The following ASH1L variants were observed in gnomAD, a reference collection of about 807,000 sequenced individuals.
The protein encoded by ASH1L is histone-lysine N-methyltransferase ASH1L.
In ASH1L, 23 loss-of-function variants were observed where a neutral mutation model predicts 269.0. The ratio of observed to expected loss-of-function variants is 0.09; its 90% CI spans 0.06 to 0.12. The LOEUF (loss-of-function observed/expected upper bound fraction) is 0.12, where lower values mean the gene tolerates loss of function less well. ASH1L is among the 10% of genes least tolerant of loss of function. The probability of loss-of-function intolerance (pLI) is 1.00; values close to 1 mark genes in which losing one functional copy is unlikely to be tolerated. For synonymous variants in ASH1L, 1,187 were observed against 1,253.5 expected (o/e 0.95, Z 1.12); for missense variants, 2,912 against 3,567.8 (o/e 0.82, Z 4.68).
At chr1:155,559,581 A>G (rs994241099) in intron 1 of ASH1L, among the ~76,000 whole-genome samples, 17 of 150,882 alleles carry the variant, frequency 1.1e-4, no homozygotes, top group African/African-American at 4.1e-4. Flanking sequence ...ATATTTTTTT[A>G]AAGTACAAAG....
chr1:155,384,481 GTT>G (rs67550672), intron 7 of ASH1L, among the ~76,000 whole-genome samples: 6 of 151,244 alleles, frequency 4.0e-5, no homozygotes, highest in East Asian at 1.9e-4. Flanking sequence ...AATTGGTGTG[GTT>G]TTTTTTTGTT....
In ASH1L at chr1:155,393,974, T is replaced by C. The variant is rs545643921; in HGVS notation, c.6103+1485A>G. Among the ~76,000 whole-genome samples the C allele has an allele frequency of 3.3e-3, 502 of 152,296 alleles. 3 individuals are homozygous for C. Among genetic ancestry groups the C allele is most frequent in the African/African-American group, 0.012 (485 of 41,566 alleles). ...TGTACTGCCGGAGATTATAATCTAA[T>C]GGAGGAGCCAAATAAATATTGTAAT... On this transcript the variant is annotated intron_variant, in intron 7 of 27. Coordinates refer to ENST00000392403, the MANE Select transcript of ASH1L (RefSeq NM_018489.3).
In ASH1L at chr1:155,343,000, T is replaced by G. The variant is rs377512860; in HGVS notation, c.8293+314A>C. The G allele has an allele frequency of 1.1e-3, 240 of 218,262 alleles. 1 individual carries two copies. Among genetic ancestry groups the G allele is most frequent in the African/African-American group, 4.5e-3 (196 of 43,516 alleles). The allele number at this position is 218,262 out of a possible 1,614,324, so 13.5% of individuals were successfully genotyped here. A position where few individuals can be genotyped will look rare whatever the true frequency, so the allele number is the denominator to read the frequency against. The stretch of plus-strand genomic sequence containing the variant: ...TGGGGTGGGCAATGAACAGGAGACA[T>G]GAGGTCATTGAAGTCTTTTTTTTTT... On this transcript the variant is annotated intron_variant, in intron 24 of 27. Coordinates refer to ENST00000392403, the MANE Select transcript of ASH1L (RefSeq NM_018489.3).
At chr1:155,350,215 T>G (rs1653773822) in intron 17 of ASH1L, among the ~76,000 whole-genome samples, 2 of 151,932 alleles carry the variant, frequency 1.3e-5, no homozygotes, top group Admixed American at 6.6e-5. Flanking sequence ...GAGACAGGGT[T>G]TCACCATGTT....
rs1665697499 is a variant in ASH1L, at chr1:155,478,135, A to C, written c.4735T>G (p.Cys1579Gly). 6.2e-7 allele frequency: 1 copy of C among 1,614,036 alleles called. No individual in the cohort carries two copies. Residue 1579 changes from cysteine (C) to glycine (G), a missense_variant, in exon 3 of 28, where the codon TGT (cysteine) becomes GGT (glycine). Physicochemically the swap from Cys to Gly is radical, Grantham distance 159. This residue lies in a region of ASH1L where 789 missense variants were observed against 897.6 expected (regional missense o/e 0.88). Coordinates refer to ENST00000392403, the MANE Select transcript of ASH1L (RefSeq NM_018489.3). This position sits in a 1 kb window ranked among gnomAD's most constrained non-coding sequence, Gnocchi z 4.6. ...GATAAGCTTGGAGAACTTTCTGAACAGTCAATCTGTAAAGGTGTCTGCAAT... is the reference window on the plus strand; with the variant it reads ...GATAAGCTTGGAGAACTTTCTGAACCGTCAATCTGTAAAGGTGTCTGCAAT... ...LGLQTPLQID[C>G]SESSPSLSLG... is the part of the protein sequence containing the mutation.
rs767615285 is a variant in ASH1L at position 155,490,968 on chromosome 1, CAAAAAAAAAAAAAAAAAAAAAA to C, written c.421-8541_421-8520del. 1.6e-3 allele frequency among the ~76,000 whole-genome samples: 100 copies of C among 61,410 alleles called. 2 individuals carry two copies. The highest frequency in any genetic ancestry group is 5.4e-3 in the African/African-American group (77 of 14,272). The allele number at this position is 61,410 out of a possible 152,430, so 40.3% of individuals were successfully genotyped here. On this transcript the variant is annotated intron_variant, in intron 2 of 27. Coordinates refer to ENST00000392403, the MANE Select transcript of ASH1L (RefSeq NM_018489.3). ...GGGAGACAGGGTGAGACCCTGATTC[CAAAAAAAAAAAAAAAAAAAAAA>C]AAAAAAAAAAAAAAAAAAAAAAAAG...
At chr1:155,454,267 G>T (rs1422835114) in intron 4 of ASH1L, among the ~76,000 whole-genome samples, 1 of 152,112 alleles carries the variant, frequency 6.6e-6, no homozygotes, top group African/African-American at 2.4e-5. Context: ...ACTTCCACAA[G>T]GTTACATGAT....
intron 3 of ASH1L, among the ~76,000 whole-genome samples, chr1:155,464,010 C>T: frequency 6.6e-6 from 1 of 152,184 alleles, no homozygotes; most frequent in East Asian, 1.9e-4. Context: ...TTCGCCATAG[C>T]TTTTGCAGAG....
At chr1:155,383,693 T>G (rs1382864273) in intron 7 of ASH1L, among the ~76,000 whole-genome samples, 1 of 152,188 alleles carries the variant, frequency 6.6e-6, no homozygotes, top group Non-Finnish European at 1.5e-5. Flanking sequence ...CTAAGTGAAT[T>G]AAGGCAGATA....
chr1:155,435,114 C>T (rs1383460745), intron 5 of ASH1L, among the ~76,000 whole-genome samples: 5 of 151,866 alleles, frequency 3.3e-5, no homozygotes, highest in Non-Finnish European at 5.9e-5. Context: ...GCCAAGATTG[C>T]GCCACTGCAT....
chr1:155,459,344 C>T (rs1195928005), intron 4 of ASH1L, among the ~76,000 whole-genome samples: 2 of 151,982 alleles, frequency 1.3e-5, no homozygotes, highest in Admixed American at 6.6e-5. Flanking sequence ...TACAGGTGCA[C>T]GCCACCATGC....
At chr1:155,350,650 C>T (rs749847627) in intron 17 of ASH1L, among the ~76,000 whole-genome samples, 6 of 152,100 alleles carry the variant, frequency 3.9e-5, no homozygotes, top group Non-Finnish European at 7.3e-5. Context: ...GGAATGGGTG[C>T]GGTGGCTCAC....
intron 1 of ASH1L, among the ~76,000 whole-genome samples, chr1:155,543,576 A>C (rs186893297): frequency 4.6e-4 from 69 of 151,382 alleles, no homozygotes; most frequent in Admixed American, 3.8e-3. Context: ...ATATGTGGCT[A>C]TATGTTGACA....
intron 2 of ASH1L, among the ~76,000 whole-genome samples, chr1:155,497,659 T>C (rs1334860310): frequency 6.6e-6 from 1 of 152,194 alleles, no homozygotes; most frequent in Non-Finnish European, 1.5e-5. Flanking sequence ...GATTTTCAAC[T>C]GTGTGTGGAG....
At chr1:155,520,554 G>A (rs1571050756) in intron 2 of ASH1L, among the ~76,000 whole-genome samples, 2 of 151,790 alleles carry the variant, frequency 1.3e-5, no homozygotes, top group Non-Finnish European at 2.9e-5. Flanking sequence ...GCACTTTGGA[G>A]TTTTGCCTTT....
chr1:155,480,643 T>C lies in ASH1L; in HGVS notation c.2227A>G (p.Lys743Glu). 1 of 1,614,114 alleles carries C rather than the reference T, an allele frequency of 6.2e-7. No homozygotes were observed. Among genetic ancestry groups the C allele is most frequent in the Non-Finnish European group, 8.5e-7 (1 of 1,179,990 alleles). ...GLELERSELFKNVSCSSLSNS... is the reference protein window; with the variant it reads ...GLELERSELFENVSCSSLSNS... The stretch of plus-strand genomic sequence containing the variant: ...GATAGTGAGCTACATGAAACGTTTT[T>C]AAAAAGCTCTGATCTTTCTAATTCT... Residue 743 changes from lysine (K) to glutamate (E), a missense_variant, in exon 3 of 28, where the codon AAA becomes GAA. Lys to Glu is a moderately conservative substitution (Grantham distance 56). Transcript: ENST00000392403.
chr1:155,349,225 A>T (rs762602843), intron 19 of ASH1L, 102 bp downstream of exon 19: 14 of 1,359,894 alleles, frequency 1.0e-5, no homozygotes, highest in Non-Finnish European at 1.4e-5. Flanking sequence ...GGCTTTTCCA[A>T]CCAGAAATAT....
In ASH1L at chr1:155,480,272, T is replaced by G; in HGVS notation, c.2598A>C (p.Pro866=). The G allele has an allele frequency of 6.2e-7, 1 of 1,614,112 alleles. No homozygotes were observed. The highest frequency in any genetic ancestry group is 1.1e-5 in the South Asian group (1 of 91,088). The change falls in exon 3 of 28, where the codon CCA becomes CCC. Residue 866 remains proline, a synonymous_variant. Coordinates refer to ENST00000392403, the MANE Select transcript of ASH1L (RefSeq NM_018489.3). ...GGATTTCAATTTCTGGCTGTAAAATTGGGGGTTCTTGTTCTTCCTTAGACT... is the reference window on the plus strand; with the variant it reads ...GGATTTCAATTTCTGGCTGTAAAATGGGGGGTTCTTGTTCTTCCTTAGACT... The part of the protein sequence containing the change: ...SLQSKEEQEP[P]ILQPEIEIPS...
chr1:155,506,435 G>A (rs986718726), intron 2 of ASH1L, among the ~76,000 whole-genome samples: 4 of 152,088 alleles, frequency 2.6e-5, no homozygotes, highest in African/African-American at 4.8e-5. Flanking sequence ...GGTGGCTCAC[G>A]CCTGTAATCC....
Sources: allele counts gnomAD v4.1 joint callset (sites outside exome capture counted in the v4.1 genomes callset), GRCh38; gene constraint gnomAD v4.1.1; regional missense constraint gnomAD v4.1.1; non-coding constraint Gnocchi (gnomAD v3.1); transcripts MANE v1.5; gene names NCBI Gene and HGNC (gene_info 2026-07-23, HGNC 2026-07-21).